The following LDHC variants were observed in gnomAD, a reference collection of about 807,000 sequenced individuals.
The protein encoded by LDHC is lactate dehydrogenase C.
In LDHC, 20 loss-of-function variants were observed where a neutral mutation model predicts 30.2. The observed-to-expected ratio is 0.66, with a 90% CI of 0.47 to 0.96. The LOEUF (loss-of-function observed/expected upper bound fraction) is 0.96, where lower values mean the gene tolerates loss of function less well. LDHC is among the 40% of genes least tolerant of loss of function. LDHC has a pLI of 0.00. For synonymous variants in LDHC, 139 were observed against 132.7 expected, an observed-to-expected ratio of 1.05 and a Z score of -0.32; for missense variants, 362 against 394.9, an observed-to-expected ratio of 0.92 and a Z score of 0.71.
At chr11:18,441,481 G>A (rs1848465107) in intron 6 of LDHC, among the ~76,000 whole-genome samples, 1 of 151,708 alleles carries the variant, frequency 6.6e-6, no homozygotes, top group African/African-American at 2.4e-5. Context: ...GCTAATTTTT[G>A]TATTTTTAGT....
intron 3 of LDHC, among the ~76,000 whole-genome samples, chr11:18,420,324 A>G (rs1867097464): frequency 6.6e-6 from 1 of 152,220 alleles, no homozygotes; most frequent in African/African-American, 2.4e-5. Context: ...AAATAATCTC[A>G]AGAAGAATAA....
chr11:18,436,800 A>G (rs1333213596), intron 5 of LDHC, among the ~76,000 whole-genome samples: 1 of 151,936 alleles, frequency 6.6e-6, no homozygotes, highest in Non-Finnish European at 1.5e-5. Context: ...TAATACAAAG[A>G]TCTTAGAATG....
intron 7 of LDHC, among the ~76,000 whole-genome samples, chr11:18,447,374 A>C (rs1282812559): frequency 6.6e-6 from 1 of 152,144 alleles, no homozygotes; most frequent in East Asian, 1.9e-4. Context: ...TGACCTCGTA[A>C]TCTGCCTGCC....
At chr11:18,412,616 C>CA in intron 1 of LDHC, 93 bp from the exon 2 acceptor site, 1 of 1,182,050 alleles carries the variant, frequency 8.5e-7, no homozygotes, top group Non-Finnish European at 1.2e-6. Context: ...TTGGCTTCCC[C>CA]CCATCCCCGG....
At chr11:18,446,863 C>A (rs547262224) in intron 7 of LDHC, among the ~76,000 whole-genome samples, 2 of 152,248 alleles carry the variant, frequency 1.3e-5, no homozygotes, top group Admixed American at 1.3e-4. Flanking sequence ...AGTGTAATAG[C>A]TATTTTTAGG....
intron 6 of LDHC, among the ~76,000 whole-genome samples, chr11:18,440,790 GCA>G (rs1848451273): frequency 1.6e-5 from 1 of 63,438 alleles, no homozygotes; most frequent in African/African-American, 5.2e-5. Context: ...AATTAGCCAG[GCA>G]TGGTGGTATG....
intron 4 of LDHC, 65 bp downstream of exon 4, chr11:18,429,975 A>G (rs966474206): frequency 1.0e-6 from 1 of 980,958 alleles, no homozygotes; most frequent in Admixed American, 2.2e-5. Flanking sequence ...CTTTAAAAGA[A>G]TCAACTTCAT....
intron 3 of LDHC, among the ~76,000 whole-genome samples, chr11:18,425,678 G>A (rs1442388070): frequency 5.9e-5 from 9 of 152,022 alleles, no homozygotes; most frequent in Admixed American, 2.6e-4. Flanking sequence ...GGTGGCTCAC[G>A]CCTGTAATCC....
At chr11:18,431,683 T>G (rs1325062414) in intron 4 of LDHC, among the ~76,000 whole-genome samples, 1 of 152,102 alleles carries the variant, frequency 6.6e-6, no homozygotes, top group African/African-American at 2.4e-5. Context: ...TTGCTGGGAC[T>G]GCAGGTGCAC....
intron 3 of LDHC, among the ~76,000 whole-genome samples, chr11:18,418,621 T>C (rs912091529): frequency 1.3e-5 from 2 of 151,824 alleles, no homozygotes; most frequent in African/African-American, 2.4e-5. Flanking sequence ...GAGACGGGGT[T>C]TCACCATGTT....
At chr11:18,445,484 A>C (rs1263643519) in intron 6 of LDHC, among the ~76,000 whole-genome samples, 1 of 152,172 alleles carries the variant, frequency 6.6e-6, no homozygotes, top group Non-Finnish European at 1.5e-5. Flanking sequence ...GATGTGAGCC[A>C]TTGCCCCTGG....
chr11:18,416,857 A>G (rs1431223817), intron 3 of LDHC, among the ~76,000 whole-genome samples: 2 of 142,260 alleles, frequency 1.4e-5, no homozygotes, highest in African/African-American at 2.6e-5. Flanking sequence ...TCTCCTCTCC[A>G]TGTTGCCCAG....
At chr11:18,427,139 T>G (rs1163039063) in intron 3 of LDHC, among the ~76,000 whole-genome samples, 2 of 152,044 alleles carry the variant, frequency 1.3e-5, no homozygotes, top group Admixed American at 6.6e-5. Context: ...GGGTAGATCA[T>G]GAGGTCAGGA....
intron 3 of LDHC, among the ~76,000 whole-genome samples, chr11:18,426,458 C>T (rs1354843567): frequency 2.8e-5 from 4 of 140,756 alleles, no homozygotes; most frequent in Non-Finnish European, 4.5e-5. Context: ...ACCAGGGAGG[C>T]ATAGGTTGCA....
chr11:18,412,966 C>A, intron 2 of LDHC, 123 bp downstream of exon 2: 2 of 414,374 alleles, frequency 4.8e-6, no homozygotes, highest in Non-Finnish European at 8.2e-6. Context: ...TTTGACCTTT[C>A]CTCCCTCCCT....
In LDHC at chr11:18,451,017, C is replaced by T. The variant is rs200582503; in HGVS notation, c.889C>T (p.Arg297Trp). 1.3e-5 allele frequency: 21 copies of T among 1,592,818 alleles called. No individual in the cohort carries two copies. Among genetic ancestry groups the T allele is most frequent in the Non-Finnish European group, 1.6e-5 (19 of 1,172,374 alleles). ...TCTCAGTATCCCTTGTGTCTTGGGG[C>T]GGAATGGTGTCTCAGATGTTGTGAA... Reference protein sequence around the residue: ...LFLSIPCVLGRNGVSDVVKIN... With the variant: ...LFLSIPCVLGWNGVSDVVKIN... The change falls in exon 8 of 8, where the codon CGG (arginine) becomes TGG (tryptophan). Residue 297 changes from arginine to tryptophan, a missense_variant. Coordinates refer to ENST00000541669, the MANE Select transcript of LDHC (RefSeq NM_017448.5).
In LDHC at chr11:18,412,325, A is replaced by G. The variant is rs922147075; in HGVS notation, c.-93A>G. On this transcript the variant is annotated 5_prime_UTR_variant, in exon 1 of 8. Transcript: ENST00000541669. Reference sequence around the variant, plus strand: ...GGGGAACGTGCGTGTCTCGAGTCGCACGGAGGGCAACCGTCGACGGGCTTA... The same window carrying G: ...GGGGAACGTGCGTGTCTCGAGTCGCGCGGAGGGCAACCGTCGACGGGCTTA... 1.8e-5 allele frequency: 3 copies of G among 163,104 alleles called. No homozygotes were observed. The highest frequency in any genetic ancestry group is 4.8e-5 in the African/African-American group (2 of 41,656). The allele number at this position is 163,104 out of a possible 1,614,324, so 10.1% of individuals were successfully genotyped here. A position where few individuals can be genotyped will look rare whatever the true frequency, so the allele number is the denominator to read the frequency against.
chr11:18,436,590 G>A (rs113223045), intron 5 of LDHC, among the ~76,000 whole-genome samples: 22,389 of 148,808 alleles, frequency 0.15, 1,838 homozygotes, highest in African/African-American at 0.22. Context: ...GGGTTCAAGC[G>A]ATTCTCCTGC....
chr11:18,439,440 G>A (rs538505416), intron 6 of LDHC, among the ~76,000 whole-genome samples: 2 of 151,566 alleles, frequency 1.3e-5, no homozygotes, highest in Non-Finnish European at 2.9e-5. Context: ...ATGGGCGCCT[G>A]TAATCCCAGG....
Sources: gnomAD v4.1 joint callset for allele counts (sites outside exome capture counted in the v4.1 genomes callset) on GRCh38, gnomAD v4.1.1 for gene constraint, MANE v1.5 for transcripts, NCBI Gene and HGNC (gene_info 2026-07-23, HGNC 2026-07-21) for gene names.